MYO5C: variants seen among roughly 807,000 people sequenced by gnomAD.
MYO5C encodes the protein unconventional myosin-Vc.
Under a neutral mutation model 235.7 loss-of-function variants are expected in MYO5C, and 194 were observed. The ratio of observed to expected loss-of-function variants is 0.82; its 90% CI spans 0.73 to 0.93. MYO5C has a LOEUF of 0.93. Among genes scored for constraint, MYO5C ranks in the 40% least tolerant of loss-of-function variants. The probability of loss-of-function intolerance (pLI) is 0.00; values close to 1 mark genes in which losing one functional copy is unlikely to be tolerated. For missense variants in MYO5C, 2,038 were observed against 2,127.2 expected (o/e 0.96, Z 0.82); for synonymous variants, 707 against 754.8 (o/e 0.94, Z 1.04).
In MYO5C at chr15:52,275,584, A is replaced by G. The variant is rs774262403; in HGVS notation, c.584T>C (p.Leu195Pro). 6.2e-7 allele frequency: 1 copy of G among 1,614,216 alleles called. No homozygotes were observed. The highest frequency in any genetic ancestry group is 1.7e-5 in the Admixed American group (1 of 60,022). Residue 195 changes from leucine to proline, a missense_variant, in exon 5 of 41, where the codon CTG becomes CCG. By Grantham distance (98) the Leu-to-Pro change is moderately conservative. Transcript: ENST00000261839. Reference sequence around the variant, plus strand: ...CACCTCGGTGATGGGATTGGATGCCAGGACCTTGTCTTCCACGTGAGCGTT... The same window carrying G: ...CACCTCGGTGATGGGATTGGATGCCGGGACCTTGTCTTCCACGTGAGCGTT... ...GSNAHVEDKV[L>P]ASNPITEAVG...
intron 10 of MYO5C, among the ~76,000 whole-genome samples, chr15:52,257,413 A>T (rs1484132648): frequency 6.6e-6 from 1 of 152,204 alleles, no homozygotes; most frequent in Non-Finnish European, 1.5e-5. Flanking sequence ...GCTGCTACTC[A>T]GCTCCTGCCG....
chr15:52,281,508 T>A (rs2037161664), intron 2 of MYO5C, among the ~76,000 whole-genome samples: 1 of 152,272 alleles, frequency 6.6e-6, no homozygotes, highest in African/African-American at 2.4e-5. Flanking sequence ...AGACACTCAA[T>A]AAAAACTGCG....
rs2034990340 is a variant in MYO5C at position 52,193,969 on chromosome 15, G to C, written c.5162C>G (p.Ser1721Cys). Residue 1721 changes from serine (S) to cysteine (C), a missense_variant, in exon 41 of 41, where the codon TCT becomes TGT. Physicochemically the swap from Ser to Cys is moderately radical, Grantham distance 112 (BLOSUM62 -1). Transcript: ENST00000261839. ...LFQVTFPFTP[S>C]PHALEMIQIP... ...CTGAATCATTTCCAGAGCATGTGGA[G>C]AGGGGGTAAAAGGAAATGTGACTTG... 6.2e-7 allele frequency: 1 copy of C among 1,613,692 alleles called. No homozygotes were observed. Among genetic ancestry groups the C allele is most frequent in the Admixed American group, 1.7e-5 (1 of 59,896 alleles).
chr15:52,248,698 A>G lies in MYO5C; in HGVS notation c.1746+2T>C. ...TTTAGTTACCCCTAGGACTTTACAG[A>G]CCTTGCTTGCTCTCAGGATTTCAAC... On this transcript the variant is annotated splice_donor_variant, in intron 14 of 40. Transcript: ENST00000261839. LOFTEE classifies it high-confidence loss of function. The G allele has an allele frequency of 6.2e-7, 1 of 1,611,914 alleles. No individual in the cohort carries two copies. The highest frequency in any genetic ancestry group is 8.5e-7 in the Non-Finnish European group (1 of 1,178,132).
Position 52,291,731 on chromosome 15 carries a change from G to GTTTTTTGT in MYO5C, c.27+3878_27+3879insACAAAAAA, listed in dbSNP as rs1555422071. On this transcript the variant is annotated intron_variant, in intron 1 of 40. Transcript: ENST00000261839. ...TTTTTTCTTTGTTTGCATATTTTAT[G>GTTTTTTGT]TTTTTTTTTTTTTTTTTTTTTTTTT... Among the ~76,000 whole-genome samples, 74 of 52,594 alleles carry GTTTTTTGT rather than the reference G, an allele frequency of 1.4e-3. 4 individuals carry two copies. Among genetic ancestry groups the GTTTTTTGT allele is most frequent in the Admixed American group, 2.4e-3 (8 of 3,362 alleles). The allele number at this position is 52,594 out of a possible 152,430, so 34.5% of individuals were successfully genotyped here.
rs2035488790 is a variant in MYO5C at position 52,213,268 on chromosome 15, G to A, written c.4061C>T (p.Ser1354Phe). The A allele has an allele frequency of 1.2e-6, 2 of 1,613,848 alleles. No homozygotes were observed. The highest frequency in any genetic ancestry group is 1.7e-6 in the Non-Finnish European group (2 of 1,179,796). ...TCCAAGGTACTCCTTGGGTCCTGAGGACGAGTGCACATCATTGGCTGTAGA... is the reference window on the plus strand; with the variant it reads ...TCCAAGGTACTCCTTGGGTCCTGAGAACGAGTGCACATCATTGGCTGTAGA... ...TIGKANDVHS[S>F]SGPKEYLGML... is the part of the protein sequence containing the mutation. Residue 1354 changes from serine to phenylalanine, a missense_variant, in exon 34 of 41, where the codon TCC becomes TTC. Transcript: ENST00000261839.
chr15:52,226,642 T>C (rs1036868404), intron 25 of MYO5C, among the ~76,000 whole-genome samples: 3 of 152,176 alleles, frequency 2.0e-5, no homozygotes, highest in Non-Finnish European at 4.4e-5. Flanking sequence ...TTTTCTCAAT[T>C]AGCAAACAGC....
At chr15:52,196,522 A>G in intron 38 of MYO5C, 39 bp from the exon 39 acceptor site, 2 of 1,589,086 alleles carry the variant, frequency 1.3e-6, no homozygotes, top group Middle Eastern at 1.7e-4. Context: ...TACTTTAGGG[A>G]AGGGTGCCAG....
intron 12 of MYO5C, among the ~76,000 whole-genome samples, chr15:52,253,044 A>G (rs2036505798): frequency 6.6e-6 from 1 of 152,212 alleles, no homozygotes; most frequent in South Asian, 2.1e-4. Flanking sequence ...GTTTTCATGC[A>G]TGTTTCTACA....
chr15:52,264,421 G>A, intron 8 of MYO5C, 125 bp from the exon 9 acceptor site: 1 of 734,008 alleles, frequency 1.4e-6, no homozygotes, highest in Non-Finnish European at 2.3e-6. Context: ...GGAACGTGAA[G>A]TGGACCCCAG....
intron 32 of MYO5C, 65 bp downstream of exon 32, chr15:52,218,454 T>G: frequency 6.8e-7 from 1 of 1,468,826 alleles, no homozygotes. Context: ...TTAGGTGGCA[T>G]GTCCCCCCTT....
Position 52,248,772 on chromosome 15 carries a change from T to C in MYO5C, c.1674A>G (p.Lys558=). Reference sequence around the variant, plus strand: ...TGTTTTTCTCCAGGAAACCTTCACATTTATACTCTACCTATACAGAGAAAG... The same window carrying C: ...TGTTTTTCTCCAGGAAACCTTCACACTTATACTCTACCTATACAGAGAAAG... The part of the protein sequence containing the change: ...IQHFADKVEY[K]CEGFLEKNRD... The change falls in exon 14 of 41, where the codon AAA becomes AAG. Residue 558 remains lysine, a synonymous_variant. Coordinates refer to ENST00000261839, the MANE Select transcript of MYO5C (RefSeq NM_018728.4). 1 of 1,612,774 alleles carries C rather than the reference T, an allele frequency of 6.2e-7. No homozygotes were observed.
rs756756599 is a variant in MYO5C, at chr15:52,213,326, C to A, written c.4043-40G>T. The A allele has an allele frequency of 2.1e-6, 3 of 1,446,656 alleles. No homozygotes were observed. In the African/African-American group the frequency reaches 4.2e-5, roughly 20 times the overall value. The allele number at this position is 1,446,656 out of a possible 1,614,324, so 89.6% of individuals were successfully genotyped here. A position where few individuals can be genotyped will look rare whatever the true frequency, so the allele number is the denominator to read the frequency against. Reference sequence around the variant, plus strand: ...AAACAATCAGCTAAATACACAAAAGCAGCTTTCACAGGTCTCACAATGTGA... The same window carrying A: ...AAACAATCAGCTAAATACACAAAAGAAGCTTTCACAGGTCTCACAATGTGA... On this transcript the variant is annotated intron_variant, in intron 33 of 40. Coordinates refer to ENST00000261839, the MANE Select transcript of MYO5C (RefSeq NM_018728.4).
At chr15:52,277,963 G>T in intron 4 of MYO5C, 1 of 456,002 alleles carries the variant, frequency 2.2e-6, no homozygotes, top group Non-Finnish European at 4.4e-6. Flanking sequence ...CTGCGGCTGG[G>T]GTTATGCAGT....
chr15:52,247,708 T>A, intron 14 of MYO5C, 116 bp from the exon 15 acceptor site: 1 of 1,075,858 alleles, frequency 9.3e-7, no homozygotes, highest in South Asian at 1.6e-5. Context: ...GTGAACAACC[T>A]CACCAACATC....
chr15:52,249,945 C>T (rs1467167393), intron 13 of MYO5C, among the ~76,000 whole-genome samples: 3 of 152,198 alleles, frequency 2.0e-5, no homozygotes, highest in African/African-American at 7.2e-5. Flanking sequence ...AATCCATAGT[C>T]CAGCCCAAAC....
In MYO5C at chr15:52,272,594, T is replaced by C. The variant is rs771404545; in HGVS notation, c.736A>G (p.Arg246Gly). 4 of 1,611,732 alleles carry C rather than the reference T, an allele frequency of 2.5e-6. No individual in the cohort carries two copies. Among genetic ancestry groups the C allele is most frequent in the Non-Finnish European group, 3.4e-6 (4 of 1,179,418 alleles). ...NMSTYLLEKS[R>G]VVFQSENERN... ...TTAATACTTACTTGAAAGACAACTC[T>C]GGATTTCTCCAGGAGGTAAGTGCTC... The change falls in exon 6 of 41, where the codon AGA (arginine) becomes GGA (glycine). Residue 246 changes from arginine to glycine, a missense_variant. Coordinates refer to ENST00000261839, the MANE Select transcript of MYO5C (RefSeq NM_018728.4).
chr15:52,225,402 C>A, intron 26 of MYO5C, 37 bp downstream of exon 26: 2 of 1,474,318 alleles, frequency 1.4e-6, no homozygotes, highest in South Asian at 2.3e-5. Context: ...TAAATTCAGT[C>A]TGCACCCATG....
rs2035750242 is a variant in MYO5C at position 52,223,597 on chromosome 15, C to G, written c.3574G>C (p.Asp1192His). The G allele has an allele frequency of 6.2e-7, 1 of 1,614,130 alleles. No homozygotes were observed. Reference sequence around the variant, plus strand: ...TCATGACGGATGCTTTCATTGATGTCATTTTCTTCTCTGAATAACTTCTGC... The same window carrying G: ...TCATGACGGATGCTTTCATTGATGTGATTTTCTTCTCTGAATAACTTCTGC... ...HLQKLFREEN[D>H]INESIRHEVT... is the part of the protein sequence containing the mutation. Residue 1192 changes from aspartate to histidine, a missense_variant, in exon 29 of 41, where the codon GAC becomes CAC. By Grantham distance (81) the Asp-to-His change is moderately conservative. Coordinates refer to ENST00000261839, the MANE Select transcript of MYO5C (RefSeq NM_018728.4).
Sources: allele counts gnomAD v4.1 joint callset (sites outside exome capture counted in the v4.1 genomes callset), GRCh38; gene constraint gnomAD v4.1.1; transcripts MANE v1.5; gene names NCBI Gene and HGNC (gene_info 2026-07-23, HGNC 2026-07-21).